SEPTIN9: variants seen among roughly 807,000 people sequenced by gnomAD.
SEPTIN9 encodes the protein septin-9.
SEPTIN9 carries 13 observed loss-of-function variants against 56.6 expected under a neutral mutation model. The observed-to-expected ratio is 0.23, with a 90% CI of 0.15 to 0.37. The LOEUF (loss-of-function observed/expected upper bound fraction) is 0.37. Among genes scored for constraint, SEPTIN9 ranks in the 10% least tolerant of loss-of-function variants. SEPTIN9 has a pLI of 1.00. For synonymous variants in SEPTIN9, 332 were observed against 334.1 expected, an observed-to-expected ratio of 0.99 and a Z score of 0.07; for missense variants, 650 against 823.1, an observed-to-expected ratio of 0.79 and a Z score of 2.57.
intron 2 of SEPTIN9, among the ~76,000 whole-genome samples, chr17:77,398,470 G>A (rs529939294): frequency 6.6e-6 from 1 of 152,190 alleles, no homozygotes; most frequent in Admixed American, 6.5e-5. Context: ...GGGGGCTGGA[G>A]TGGGCTTGGC....
intron 2 of SEPTIN9, chr17:77,373,373 C>G (rs1230663678): frequency 8.3e-7 from 1 of 1,210,602 alleles, no homozygotes; most frequent in African/African-American, 1.6e-5. Flanking sequence ...AGGGGCTCCT[C>G]CGGCGGCTAG....
At chr17:77,284,448 G>A (rs1352212925) in intron 1 of SEPTIN9, among the ~76,000 whole-genome samples, 3 of 152,208 alleles carry the variant, frequency 2.0e-5, no homozygotes, top group South Asian at 4.1e-4. Context: ...CTTCCAATGG[G>A]GTGGAGGTAG....
intron 2 of SEPTIN9, among the ~76,000 whole-genome samples, chr17:77,311,616 A>G (rs567470200): frequency 4.4e-4 from 67 of 152,292 alleles, no homozygotes; most frequent in African/African-American, 1.6e-3. Context: ...TCTCCTGACA[A>G]TTGGCTGTCA....
intron 2 of SEPTIN9, among the ~76,000 whole-genome samples, chr17:77,308,882 C>G (rs954095223): frequency 1.3e-5 from 2 of 152,238 alleles, no homozygotes; most frequent in African/African-American, 4.8e-5. Flanking sequence ...TGTGAGGCCC[C>G]TTGCAGTACA....
At chr17:77,366,685 A>G (rs1329899343) in intron 2 of SEPTIN9, among the ~76,000 whole-genome samples, 1 of 152,118 alleles carries the variant, frequency 6.6e-6, no homozygotes, top group East Asian at 1.9e-4. Flanking sequence ...TGTTATTGCA[A>G]TAAAATGTAG....
At chr17:77,490,906 G>GCGTCTCC in intron 8 of SEPTIN9, 47 bp downstream of exon 8, 1 of 1,438,994 alleles carries the variant, frequency 6.9e-7, no homozygotes, top group Non-Finnish European at 9.6e-7. Flanking sequence ...GCAACCTGGA[G>GCGTCTCC]ACGCTGCAGG....
chr17:77,338,683 T>C (rs2033633765), intron 2 of SEPTIN9, among the ~76,000 whole-genome samples: 1 of 152,200 alleles, frequency 6.6e-6, no homozygotes, highest in Non-Finnish European at 1.5e-5. Context: ...CCTCCCAAAG[T>C]GCTGGGATTA....
chr17:77,414,303 G>C (rs1482077928), intron 3 of SEPTIN9, among the ~76,000 whole-genome samples: 1 of 151,926 alleles, frequency 6.6e-6, no homozygotes, highest in Non-Finnish European at 1.5e-5. Context: ...TCGAACTCCT[G>C]ACCTCAGGTG....
intron 3 of SEPTIN9, among the ~76,000 whole-genome samples, chr17:77,441,145 G>A (rs1018918827): frequency 6.6e-6 from 1 of 152,218 alleles, no homozygotes; most frequent in African/African-American, 2.4e-5. Context: ...GGCTGGGCTG[G>A]TTTGGGCCCA....
intron 3 of SEPTIN9, among the ~76,000 whole-genome samples, chr17:77,413,141 G>T (rs1272148224): frequency 6.6e-6 from 1 of 151,522 alleles, no homozygotes; most frequent in African/African-American, 2.4e-5. Context: ...ATCAGTTTTG[G>T]TGTCTGCATT....
At chr17:77,302,194 G>C (rs1050845264) in intron 1 of SEPTIN9, among the ~76,000 whole-genome samples, 1 of 152,238 alleles carries the variant, frequency 6.6e-6, no homozygotes, top group Non-Finnish European at 1.5e-5. Flanking sequence ...ATAGCTGGGC[G>C]TGGTGGCTTG....
intron 1 of SEPTIN9, chr17:77,281,818 G>A (rs1043673695): frequency 3.0e-5 from 14 of 474,272 alleles, no homozygotes; most frequent in African/African-American, 2.7e-4. Context: ...CTCGCCCCTT[G>A]CACCCTCGCA....
chr17:77,420,068 C>T (rs1233065897), intron 3 of SEPTIN9, among the ~76,000 whole-genome samples: 1 of 152,124 alleles, frequency 6.6e-6, no homozygotes, highest in Non-Finnish European at 1.5e-5. Flanking sequence ...GGTGCCTGGG[C>T]CATGGAAGAG....
chr17:77,496,408 T>A (rs1350828139), intron 10 of SEPTIN9: 1 of 152,174 alleles, frequency 6.6e-6, no homozygotes, highest in East Asian at 1.9e-4. Flanking sequence ...ACGAAGTTCA[T>A]CACATGGGAG....
chr17:77,283,866 ATATAGTCC>A (rs1288886634), intron 1 of SEPTIN9, among the ~76,000 whole-genome samples: 1 of 152,164 alleles, frequency 6.6e-6, no homozygotes, highest in Non-Finnish European at 1.5e-5. Flanking sequence ...TGGTAATGAG[ATATAGTCC>A]TTGCCTGCAG....
At chr17:77,297,016 T>C (rs548418468) in intron 1 of SEPTIN9, among the ~76,000 whole-genome samples, 2 of 152,214 alleles carry the variant, frequency 1.3e-5, no homozygotes, top group African/African-American at 4.8e-5. Context: ...AGAAGATAGA[T>C]GGTGGATGGG....
At position 77,445,396 on chromosome 17, in the gene SEPTIN9, A is replaced by T. The variant is rs1410194036; in HGVS notation, c.722-36748A>T. On this transcript the variant is annotated intron_variant, in intron 3 of 11. Coordinates refer to ENST00000427177, the MANE Select transcript of SEPTIN9 (RefSeq NM_001113491.2). The surrounding 1 kb of genome is among the most constrained non-coding windows in gnomAD (Gnocchi z 4.7). ...GCATCCCATTGGGGTGTTGCCCAGG[A>T]TGGATTGGAAAAGAGTTGGCAGGAA... 2.1e-6 allele frequency: 1 copy of T among 467,688 alleles called. No individual in the cohort carries two copies. Among genetic ancestry groups the T allele is most frequent in the South Asian group, 1.5e-5 (1 of 64,552 alleles). 29.0% of individuals were successfully genotyped at this position (467,688 alleles called of 1,614,324 possible).
chr17:77,319,741 A>G lies in SEPTIN9; in HGVS notation c.76+12544A>G. 9.3e-7 allele frequency: 1 copy of G among 1,071,286 alleles called. No individual in the cohort carries two copies. Among genetic ancestry groups the G allele is most frequent in the African/African-American group, 1.6e-5 (1 of 61,204 alleles). The allele number at this position is 1,071,286 out of a possible 1,614,324, so 66.4% of individuals were successfully genotyped here. On this transcript the variant is annotated intron_variant, in intron 2 of 11. Coordinates refer to ENST00000427177, the MANE Select transcript of SEPTIN9 (RefSeq NM_001113491.2). The surrounding 1 kb of genome is among the most constrained non-coding windows in gnomAD (Gnocchi z 5.3). ...GCTTTTTAAACCCTTAAGCCCAAGG[A>G]AATCGTAGCATCGCGGGACAGGGAA...
At chr17:77,355,271 GT>G (rs1476423644) in intron 2 of SEPTIN9, among the ~76,000 whole-genome samples, 1 of 152,184 alleles carries the variant, frequency 6.6e-6, no homozygotes, top group Non-Finnish European at 1.5e-5. Flanking sequence ...CTTGAATGGT[GT>G]CTGCGCCGCA....
Sources: gnomAD v4.1 joint callset for allele counts (sites outside exome capture counted in the v4.1 genomes callset) on GRCh38, gnomAD v4.1.1 for gene constraint, Gnocchi (gnomAD v3.1) non-coding constraint, MANE v1.5 for transcripts, NCBI Gene and HGNC (gene_info 2026-07-23, HGNC 2026-07-21) for gene names.